DKK2: variants seen among roughly 807,000 people sequenced by gnomAD.
DKK2 encodes dickkopf Wnt signaling pathway inhibitor 2.
In DKK2, 11 loss-of-function variants were observed where a neutral mutation model predicts 28.1. The observed-to-expected ratio is 0.39, with a 90% confidence interval of 0.25 to 0.65. The LOEUF is 0.65. Ranked by LOEUF, DKK2 falls within the 30% of genes least tolerant of loss-of-function variation. The probability of loss-of-function intolerance (pLI) is 0.47; values close to 1 mark genes in which losing one functional copy is unlikely to be tolerated. For missense variants in DKK2, 326 were observed against 335.5 expected (o/e 0.97, Z 0.22); for synonymous variants, 135 against 126.5 (o/e 1.07, Z -0.45).
At chr4:106,931,911 A>T (rs1173586218) in intron 1 of DKK2, among the ~76,000 whole-genome samples, 1 of 152,180 alleles carries the variant, frequency 6.6e-6, no homozygotes, top group Non-Finnish European at 1.5e-5. Flanking sequence ...TCCAATCAAA[A>T]TTCCAAATTT....
intron 1 of DKK2, among the ~76,000 whole-genome samples, chr4:107,024,749 A>T (rs919185492): frequency 6.6e-6 from 1 of 152,266 alleles, no homozygotes; most frequent in African/African-American, 2.4e-5. Context: ...CCGATGAAAA[A>T]ACTAAGGCTT....
At chr4:107,007,987 C>T (rs1329104842) in intron 1 of DKK2, among the ~76,000 whole-genome samples, 2 of 152,114 alleles carry the variant, frequency 1.3e-5, no homozygotes, top group African/African-American at 4.8e-5. Flanking sequence ...CCCGATATCA[C>T]CTCCTGACCG....
intron 1 of DKK2, among the ~76,000 whole-genome samples, chr4:106,973,258 G>GGTATATA (rs1722895605): frequency 6.6e-6 from 1 of 152,176 alleles, no homozygotes; most frequent in Non-Finnish European, 1.5e-5. Flanking sequence ...ACCCAGTAAT[G>GGTATATA]GGACTGCTGG....
intron 1 of DKK2, among the ~76,000 whole-genome samples, chr4:107,000,575 C>T (rs142730763): frequency 5.3e-5 from 8 of 152,268 alleles, no homozygotes; most frequent in African/African-American, 1.9e-4. Context: ...ATATACTAAT[C>T]ATTTTCCATT....
At chr4:106,937,161 C>T (rs1161783541) in intron 1 of DKK2, among the ~76,000 whole-genome samples, 3 of 149,526 alleles carry the variant, frequency 2.0e-5, no homozygotes, top group African/African-American at 4.9e-5. Context: ...AATTAAAAGA[C>T]ACAGACTGGC....
At chr4:107,022,520 T>A (rs995305439) in intron 1 of DKK2, among the ~76,000 whole-genome samples, 21 of 152,132 alleles carry the variant, frequency 1.4e-4, no homozygotes, top group African/African-American at 4.8e-4. Context: ...CTGCTACTCA[T>A]GAGCTGTGTG....
intron 1 of DKK2, among the ~76,000 whole-genome samples, chr4:107,022,379 A>T (rs1723710435): frequency 6.6e-6 from 1 of 152,134 alleles, no homozygotes; most frequent in South Asian, 2.1e-4. Flanking sequence ...CTGAATTTTG[A>T]AATATACCAA....
Position 107,035,229 on chromosome 4 carries a change from C to A in DKK2, c.222+141G>T, listed in dbSNP as rs142768848. The stretch of plus-strand genomic sequence containing the variant: ...ACCCCCCGCCCACGCAGACCCTGTT[C>A]GGTGAATCCCTCCCCAGCCGCCTGT... On this transcript the variant is annotated intron_variant, in intron 1 of 3. Transcript: ENST00000285311. The A allele has an allele frequency of 4.2e-3, 4,127 of 974,784 alleles. 15 individuals carry two copies. The highest frequency in any genetic ancestry group is 4.4e-3 in the Non-Finnish European group (2,891 of 655,876). The allele number at this position is 974,784 out of a possible 1,614,324, so 60.4% of individuals were successfully genotyped here. A position where few individuals can be genotyped will look rare whatever the true frequency, so the allele number is the denominator to read the frequency against.
intron 1 of DKK2, among the ~76,000 whole-genome samples, chr4:106,968,228 G>A (rs555398497): frequency 1.3e-5 from 2 of 152,070 alleles, no homozygotes; most frequent in African/African-American, 4.8e-5. Flanking sequence ...AAACATCAGA[G>A]AGTGAGACAC....
chr4:106,985,635 C>A (rs1464548585), intron 1 of DKK2, among the ~76,000 whole-genome samples: 1 of 151,310 alleles, frequency 6.6e-6, no homozygotes, highest in Admixed American at 6.6e-5. Flanking sequence ...ATGGTGAGAC[C>A]TCGTTTCTAC....
chr4:107,024,706 G>C (rs1463644875), intron 1 of DKK2, among the ~76,000 whole-genome samples: 1 of 152,146 alleles, frequency 6.6e-6, no homozygotes, highest in Non-Finnish European at 1.5e-5. Context: ...CAAAGAGATG[G>C]AGAAAGGATT....
intron 1 of DKK2, among the ~76,000 whole-genome samples, chr4:106,952,900 C>A (rs1206926487): frequency 6.6e-6 from 1 of 152,094 alleles, no homozygotes; most frequent in Non-Finnish European, 1.5e-5. Flanking sequence ...AGTATAAATT[C>A]TTCAAAATTT....
At chr4:106,943,902 G>C (rs1290853367) in intron 1 of DKK2, among the ~76,000 whole-genome samples, 11 of 152,016 alleles carry the variant, frequency 7.2e-5, no homozygotes, top group Non-Finnish European at 1.3e-4. Context: ...TATGACAATA[G>C]GTGTTTCTGA....
chr4:106,923,406 G>C lies in DKK2; in HGVS notation c.*548C>G, dbSNP rs1286667378. 1.3e-5 allele frequency: 2 copies of C among 152,378 alleles called. No homozygotes were observed. Among genetic ancestry groups the C allele is most frequent in the Non-Finnish European group, 2.9e-5 (2 of 68,240 alleles). The allele number at this position is 152,378 out of a possible 1,614,324, so 9.4% of individuals were successfully genotyped here. ...TTTTTTCTTATCTACCAAGACTCTT[G>C]ATTGAACAGCAGAAGTAGTGTTACA... On this transcript the variant is annotated 3_prime_UTR_variant, in exon 4 of 4. Coordinates refer to ENST00000285311, the MANE Select transcript of DKK2 (RefSeq NM_014421.3).
At chr4:106,982,452 G>C (rs774408120) in intron 1 of DKK2, among the ~76,000 whole-genome samples, 1 of 152,116 alleles carries the variant, frequency 6.6e-6, no homozygotes, top group Non-Finnish European at 1.5e-5. Flanking sequence ...GTGAATCCGG[G>C]CTGCTAGTGC....
intron 1 of DKK2, among the ~76,000 whole-genome samples, chr4:107,028,471 T>C (rs989193377): frequency 2.0e-5 from 3 of 152,198 alleles, no homozygotes; most frequent in Non-Finnish European, 4.4e-5. Flanking sequence ...ATATATATTA[T>C]CTCATGTGAT....
At chr4:107,005,539 G>A (rs1017399604) in intron 1 of DKK2, among the ~76,000 whole-genome samples, 1 of 151,928 alleles carries the variant, frequency 6.6e-6, no homozygotes, top group Non-Finnish European at 1.5e-5. Context: ...CCAAATAAAT[G>A]TGGATATTCT....
At chr4:106,927,406 G>A (rs1578344598) in intron 1 of DKK2, among the ~76,000 whole-genome samples, 2 of 152,188 alleles carry the variant, frequency 1.3e-5, no homozygotes, top group Middle Eastern at 6.8e-3. Flanking sequence ...GAGTCTGAGA[G>A]ATAAAAAATG....
intron 1 of DKK2, among the ~76,000 whole-genome samples, chr4:106,969,425 T>C (rs1662710188): frequency 1.3e-5 from 2 of 151,928 alleles, no homozygotes; most frequent in South Asian, 4.1e-4. Context: ...TTCCCAGTCC[T>C]CTATTCAGAA....
Sources: gnomAD v4.1 joint callset for allele counts (sites outside exome capture counted in the v4.1 genomes callset) on GRCh38, gnomAD v4.1.1 for gene constraint, MANE v1.5 for transcripts, NCBI Gene and HGNC (gene_info 2026-07-23, HGNC 2026-07-21) for gene names.